The following EIF4G1 variants were observed in gnomAD, a reference collection of about 807,000 sequenced individuals.
EIF4G1 encodes the protein eukaryotic translation initiation factor 4 gamma 1.
Under a neutral mutation model 187.8 loss-of-function variants are expected in EIF4G1, and 4 were observed. The observed-to-expected ratio is 0.02, with a 90% confidence interval of 0.01 to 0.05. The LOEUF is 0.05. EIF4G1 is among the 10% of genes least tolerant of loss of function. The pLI, the probability that EIF4G1 is intolerant of heterozygous loss-of-function variation, is 1.00. For missense variants in EIF4G1, 1,647 were observed against 2,081.1 expected (o/e 0.79, Z 4.06); for synonymous variants, 844 against 781.4 (o/e 1.08, Z -1.34).
In EIF4G1 at chr3:184,325,436, T is replaced by C. The variant is rs951928298; in HGVS notation, c.2962-44T>C. ...CTCCAGTTTCTGACACTGCCTTGTC[T>C]TGCCTTCCCTGACATCATCGTGACT... On this transcript the variant is annotated intron_variant, in intron 19 of 32. Transcript: ENST00000346169. The surrounding 1 kb of genome is among the most constrained non-coding windows in gnomAD (Gnocchi z 5.2). 13 of 1,614,072 alleles carry C rather than the reference T, an allele frequency of 8.1e-6. No homozygotes were observed. In the East Asian group the frequency reaches 1.1e-4, roughly 14 times the overall value.
At position 184,334,686 on chromosome 3, in the gene EIF4G1, G is replaced by T. The variant is rs375510145; in HGVS notation, c.4619-41G>T. The T allele has an allele frequency of 8.1e-6, 13 of 1,613,222 alleles. No individual in the cohort carries two copies. The Admixed American group carries it at 2.0e-4, about 25-fold the overall frequency. The stretch of plus-strand genomic sequence containing the variant: ...GTTCCCTGGGGTGGGCTGGGGTGGC[G>T]GTGGCCAGTCACCTCTAACTGCTGT... On this transcript the variant is annotated intron_variant, in intron 32 of 32. Coordinates refer to ENST00000346169, the MANE Select transcript of EIF4G1 (RefSeq NM_198241.3). This position sits in a 1 kb window ranked among gnomAD's most constrained non-coding sequence, Gnocchi z 5.8.
At position 184,324,265 on chromosome 3, in the gene EIF4G1, G is replaced by A. The variant is rs774374620; in HGVS notation, c.2537G>A (p.Arg846Gln). 6 of 1,614,084 alleles carry A rather than the reference G, an allele frequency of 3.7e-6. No homozygotes were observed. Among genetic ancestry groups the A allele is most frequent in the Middle Eastern group, 3.3e-4 (2 of 6,084 alleles). ...TVNFRKLLLN[R>Q]CQKEFEKDKD... ...AACTTCCGAAAGCTGTTGTTGAATCGATGTCAGAAGGAGTTTGAGAAAGAC... is the reference window on the plus strand; with the variant it reads ...AACTTCCGAAAGCTGTTGTTGAATCAATGTCAGAAGGAGTTTGAGAAAGAC... Residue 846 changes from arginine (R) to glutamine (Q), a missense_variant, in exon 17 of 33, where the codon CGA (arginine) becomes CAA (glutamine). This residue lies in a region of EIF4G1 where 36 missense variants were observed against 87.6 expected (regional missense o/e 0.41). Transcript: ENST00000346169.
rs1274533367 is a variant in EIF4G1 at position 184,319,475 on chromosome 3, GTGTGTGTGTT to G, written c.425-213_425-204del. Reference sequence around the variant, plus strand: ...TGTGTGTGTGTGTGTGTTTGTGTGTGTGTGTGTGTTAGGAATTCTTGTAAACGCAGTTCAG... The same window carrying G: ...TGTGTGTGTGTGTGTGTTTGTGTGTGAGGAATTCTTGTAAACGCAGTTCAG... On this transcript the variant is annotated intron_variant, in intron 6 of 32. Transcript: ENST00000346169. The G allele has an allele frequency of 4.4e-5, 19 of 430,272 alleles. 1 individual carries two copies. The highest frequency in any genetic ancestry group is 2.5e-4 in the South Asian group (13 of 51,488). 26.7% of individuals were successfully genotyped at this position (430,272 alleles called of 1,614,324 possible). A position where few individuals can be genotyped will look rare whatever the true frequency, so the allele number is the denominator to read the frequency against.
In EIF4G1 at chr3:184,327,377, G is replaced by T. The variant is rs1317652418; in HGVS notation, c.3590G>T (p.Arg1197Leu). 1 of 1,613,426 alleles carries T rather than the reference G, an allele frequency of 6.2e-7. No individual in the cohort carries two copies. Among genetic ancestry groups the T allele is most frequent in the Non-Finnish European group, 8.5e-7 (1 of 1,180,022 alleles). ...GAAGTGGAGGAGCGGAGTAGAGAACGGCCCTCCCAGCCTGAGGGGCTGCGC... is the reference window on the plus strand; with the variant it reads ...GAAGTGGAGGAGCGGAGTAGAGAACTGCCCTCCCAGCCTGAGGGGCTGCGC... ...SKEVEERSRE[R>L]PSQPEGLRKA... Residue 1197 changes from arginine to leucine, a missense_variant, in exon 24 of 33, where the codon CGG (arginine) becomes CTG (leucine). Coordinates refer to ENST00000346169, the MANE Select transcript of EIF4G1 (RefSeq NM_198241.3).
intron 28 of EIF4G1, 81 bp from the exon 29 acceptor site, chr3:184,331,185 T>A (rs1236039006): frequency 4.9e-6 from 7 of 1,428,760 alleles, no homozygotes; most frequent in Non-Finnish European, 6.9e-6. Context: ...CAGTAAATAT[T>A]TGTTGGATTA....
chr3:184,327,041 G>A (rs1349018613), intron 23 of EIF4G1, 58 bp downstream of exon 23: 3 of 1,610,138 alleles, frequency 1.9e-6, no homozygotes, highest in Admixed American at 1.7e-5. Context: ...TTGGGTTCTG[G>A]TTGTTGCCAT....
intron 6 of EIF4G1, 79 bp downstream of exon 6, chr3:184,317,895 G>T: frequency 6.3e-6 from 7 of 1,103,280 alleles, no homozygotes; most frequent in Non-Finnish European, 9.6e-6. Context: ...TAAAGCAGAA[G>T]ACCCTTCCCA....
chr3:184,317,575 A>C, intron 5 of EIF4G1, 78 bp downstream of exon 5: 1 of 1,585,640 alleles, frequency 6.3e-7, no homozygotes, highest in Non-Finnish European at 8.6e-7. Flanking sequence ...CTCCAGTTCC[A>C]TTGCTTTTCC....
chr3:184,327,135 A>G, intron 23 of EIF4G1, 81 bp from the exon 24 acceptor site: 1 of 1,586,152 alleles, frequency 6.3e-7, no homozygotes. Context: ...AACAAGGCCC[A>G]ACAGTTGCTC....
chr3:184,334,954 G>A lies in EIF4G1; in HGVS notation c.*46G>A, dbSNP rs1189688935. 4 of 1,610,306 alleles carry A rather than the reference G, an allele frequency of 2.5e-6. No homozygotes were observed. Among genetic ancestry groups the A allele is most frequent in the Non-Finnish European group, 3.4e-6 (4 of 1,178,826 alleles). ...CTGGAGCCCCATGGACACACAGATG[G>A]CCCGGCTAGCCGCCTGGACTGCAGG... On this transcript the variant is annotated 3_prime_UTR_variant, in exon 33 of 33. Coordinates refer to ENST00000346169, the MANE Select transcript of EIF4G1 (RefSeq NM_198241.3). The surrounding 1 kb of genome is among the most constrained non-coding windows in gnomAD (Gnocchi z 5.8).
chr3:184,322,841 C>T lies in EIF4G1; in HGVS notation c.1816C>T (p.Leu606=), dbSNP rs993552235. The T allele has an allele frequency of 6.2e-7, 1 of 1,614,022 alleles. No homozygotes were observed. Among genetic ancestry groups the T allele is most frequent in the Admixed American group, 1.7e-5 (1 of 59,994 alleles). Residue 606 remains leucine, a synonymous_variant, in exon 13 of 33, where the codon CTA becomes TTA. Transcript: ENST00000346169. Reference sequence around the variant, plus strand: ...TGCAGATCAGTGGAAGCCTCTAAACCTAGAGGAGAAAAAACGTTACGACCG... The same window carrying T: ...TGCAGATCAGTGGAAGCCTCTAAACTTAGAGGAGAAAAAACGTTACGACCG... ...YKSDQWKPLN[L]EEKKRYDREF... is the part of the protein sequence containing the mutation.
At position 184,335,030 on chromosome 3, in the gene EIF4G1, G is replaced by A; in HGVS notation, c.*122G>A. On this transcript the variant is annotated 3_prime_UTR_variant, in exon 33 of 33. Transcript: ENST00000346169. Reference sequence around the variant, plus strand: ...TGGGTGCCTGTAGTGTGATGTGTCTGAACTAATAAAGTGGCTGAAGAGGCA... The same window carrying A: ...TGGGTGCCTGTAGTGTGATGTGTCTAAACTAATAAAGTGGCTGAAGAGGCA... 7.3e-7 allele frequency: 1 copy of A among 1,363,316 alleles called. No individual in the cohort carries two copies. Among genetic ancestry groups the A allele is most frequent in the South Asian group, 1.3e-5 (1 of 79,960 alleles). 84.5% of individuals were successfully genotyped at this position (1,363,316 alleles called of 1,614,324 possible). A position where few individuals can be genotyped will look rare whatever the true frequency, so the allele number is the denominator to read the frequency against.
chr3:184,332,112 G>T, intron 32 of EIF4G1, 26 bp downstream of exon 32: 2 of 1,614,150 alleles, frequency 1.2e-6, no homozygotes, highest in Non-Finnish European at 1.7e-6. Flanking sequence ...TGGGGACAGG[G>T]GTGGGGTGGA....
chr3:184,330,782 C>T (rs1360174047), intron 28 of EIF4G1, among the ~76,000 whole-genome samples: 1 of 151,964 alleles, frequency 6.6e-6, no homozygotes, highest in African/African-American at 2.4e-5. Flanking sequence ...CGCTGTGTCG[C>T]CCAGGCTGGA....
chr3:184,331,183 A>AT, intron 28 of EIF4G1, 83 bp from the exon 29 acceptor site: 1 of 1,423,026 alleles, frequency 7.0e-7, no homozygotes. Flanking sequence ...TTCAGTAAAT[A>AT]TTTGTTGGAT....
chr3:184,331,299 G>A lies in EIF4G1; in HGVS notation c.4195G>A (p.Ala1399Thr). The change falls in exon 29 of 33, where the codon GCC (alanine) becomes ACC (threonine). Residue 1399 changes from alanine (A) to threonine (T), a missense_variant. Ala to Thr is a moderately conservative substitution (Grantham distance 58). Transcript: ENST00000346169. ...AAAGGTGGGGACGCTGTGGCGAGAA[G>A]CCGGGCTTAGCTGGAAGGAATTTCT... Reference protein sequence around the residue: ...PKKVGTLWREAGLSWKEFLPE... With the variant: ...PKKVGTLWRETGLSWKEFLPE... The A allele has an allele frequency of 6.2e-7, 1 of 1,614,214 alleles. No homozygotes were observed.
In EIF4G1 at chr3:184,331,353, G is replaced by A. The variant is rs758267267; in HGVS notation, c.4249G>A (p.Val1417Ile). 1.1e-5 allele frequency: 17 copies of A among 1,614,112 alleles called. No individual in the cohort carries two copies. Among genetic ancestry groups the A allele is most frequent in the East Asian group, 2.2e-5 (1 of 44,894 alleles). The change falls in exon 29 of 33, where the codon GTC becomes ATC. Residue 1417 changes from valine (V) to isoleucine (I), a missense_variant. Physicochemically the swap from Val to Ile is conservative, Grantham distance 29. Transcript: ENST00000346169. ...LPEGQDIGAF[V>I]AEQKVEYTLG... Reference sequence around the variant, plus strand: ...TGAAGGCCAGGACATTGGTGCATTCGTCGCTGAACAGGTTTGGGGATGGAG... The same window carrying A: ...TGAAGGCCAGGACATTGGTGCATTCATCGCTGAACAGGTTTGGGGATGGAG...
chr3:184,334,934 G>T lies in EIF4G1; in HGVS notation c.*26G>T. ...GGGCTGGTGGGGCCGGGGACCTGGA[G>T]CCCCATGGACACACAGATGGCCCGG... is the stretch of plus-strand genomic sequence containing the variant. On this transcript the variant is annotated 3_prime_UTR_variant, in exon 33 of 33. Coordinates refer to ENST00000346169, the MANE Select transcript of EIF4G1 (RefSeq NM_198241.3). The surrounding 1 kb of genome is among the most constrained non-coding windows in gnomAD (Gnocchi z 5.8). The T allele has an allele frequency of 6.2e-7, 1 of 1,613,104 alleles. No homozygotes were observed. Among genetic ancestry groups the T allele is most frequent in the Non-Finnish European group, 8.5e-7 (1 of 1,179,834 alleles).
In EIF4G1 at chr3:184,322,023, G is replaced by A. The variant is rs529056313; in HGVS notation, c.1439G>A (p.Gly480Glu). ...GGAGAAGCTGAGAGTGAGAAAGGAG[G>A]AGAGGAACTGCTCCCCCCAGAGAGT... ...EAGEAESEKG[G>E]EELLPPESTP... The change falls in exon 10 of 33, where the codon GGA (glycine) becomes GAA (glutamate). Residue 480 changes from glycine (G) to glutamate (E), a missense_variant. Gly to Glu is a moderately conservative substitution (Grantham distance 98, BLOSUM62 -2). Around this residue, in one of 11 missense-constraint regions of EIF4G1, gnomAD observed 522 missense variants for 485.2 expected, o/e 1.08. Transcript: ENST00000346169. The A allele has an allele frequency of 6.2e-7, 1 of 1,614,118 alleles. No individual in the cohort carries two copies. Among genetic ancestry groups the A allele is most frequent in the African/African-American group, 1.3e-5 (1 of 75,048 alleles).
Sources: gnomAD v4.1 joint callset for allele counts (sites outside exome capture counted in the v4.1 genomes callset) on GRCh38, gnomAD v4.1.1 for gene constraint, gnomAD v4.1.1 regional missense constraint, Gnocchi (gnomAD v3.1) non-coding constraint, MANE v1.5 for transcripts, NCBI Gene and HGNC (gene_info 2026-07-23, HGNC 2026-07-21) for gene names.